Variants in CLNK observed in about 807,000 individuals in gnomAD.
CLNK encodes cytokine dependent hematopoietic cell linker, also known as cytokine-dependent hematopoietic cell linker.
A neutral mutation model predicts 68.6 loss-of-function variants in CLNK; 74 were observed. The ratio of observed to expected loss-of-function variants is 1.08; its 90% CI spans 0.89 to 1.31. The LOEUF (loss-of-function observed/expected upper bound fraction) is 1.31. Among genes scored for constraint, CLNK ranks in the 50% most tolerant of loss-of-function variants. The pLI is 0.00. For missense variants in CLNK, 553 were observed against 515.3 expected, an observed-to-expected ratio of 1.07 and a Z score of -0.71; for synonymous variants, 198 against 172.2, an observed-to-expected ratio of 1.15 and a Z score of -1.17.
intron 2 of CLNK, among the ~76,000 whole-genome samples, chr4:10,660,310 G>T (rs1724146595): frequency 1.3e-5 from 2 of 152,204 alleles, no homozygotes; most frequent in African/African-American, 2.4e-5. Flanking sequence ...GGGATTGAAA[G>T]ATTGCATAGC....
At chr4:10,594,280 C>G (rs1353778569) in intron 3 of CLNK, among the ~76,000 whole-genome samples, 1 of 152,222 alleles carries the variant, frequency 6.6e-6, no homozygotes, top group East Asian at 1.9e-4. Flanking sequence ...CAATCTCCCC[C>G]CATCCTCTGC....
At chr4:10,550,756 C>A (rs576090145) in intron 8 of CLNK, among the ~76,000 whole-genome samples, 1 of 152,148 alleles carries the variant, frequency 6.6e-6, no homozygotes, top group African/African-American at 2.4e-5. Context: ...ATCCCAGTAA[C>A]CTCAGCATAC....
intron 14 of CLNK, among the ~76,000 whole-genome samples, chr4:10,525,205 C>T (rs969496597): frequency 1.3e-5 from 2 of 152,178 alleles, no homozygotes; most frequent in African/African-American, 4.8e-5. Flanking sequence ...GCTGGGACTA[C>T]AGGCACCCGC....
intron 3 of CLNK, among the ~76,000 whole-genome samples, chr4:10,592,379 C>G (rs1394947806): frequency 6.6e-6 from 1 of 152,150 alleles, no homozygotes; most frequent in Non-Finnish European, 1.5e-5. Flanking sequence ...ATTTGCCAGA[C>G]ATGTTTTAGC....
rs1716354641 is a variant in CLNK, at chr4:10,486,408, CA to C, written c.*4058del. 1 of 152,132 alleles carries C rather than the reference CA, an allele frequency of 6.6e-6. No individual in the cohort carries two copies. Among genetic ancestry groups the C allele is most frequent in the Non-Finnish European group, 1.5e-5 (1 of 68,036 alleles). 9.4% of individuals were successfully genotyped at this position (152,132 alleles called of 1,614,324 possible). A position where few individuals can be genotyped will look rare whatever the true frequency, so the allele number is the denominator to read the frequency against. ...CAGAGAAAATTATAACATTCAATTA[CA>C]TATTTACTTTTATTTACATTAGTAA... On this transcript the variant is annotated 3_prime_UTR_variant, in exon 19 of 19. Coordinates refer to ENST00000226951, the MANE Select transcript of CLNK (RefSeq NM_052964.4).
At chr4:10,728,583 T>G in the CLNK span, among the ~76,000 whole-genome samples, 1 of 13,362 alleles carries the variant, frequency 7.5e-5, no homozygotes, top group African/African-American at 1.6e-4. Flanking sequence ...ATGTATCCTT[T>G]CTTTCTTTCT....
chr4:10,693,219 T>C, the CLNK span, among the ~76,000 whole-genome samples: 1 of 152,220 alleles, frequency 6.6e-6, no homozygotes, highest in African/African-American at 2.4e-5. Context: ...CTGATGTTGC[T>C]GATGGGAGAA....
intron 2 of CLNK, among the ~76,000 whole-genome samples, chr4:10,615,615 G>C (rs902865158): frequency 6.6e-6 from 1 of 152,306 alleles, no homozygotes; most frequent in South Asian, 2.1e-4. Context: ...CCTGCTCCAG[G>C]TATAGACCCC....
intron 2 of CLNK, among the ~76,000 whole-genome samples, chr4:10,610,118 GCGAT>G (rs1721953957): frequency 8.3e-6 from 1 of 120,688 alleles, no homozygotes; most frequent in Non-Finnish European, 1.6e-5. Flanking sequence ...GTGCTGTGGC[GCGAT>G]CTCCGCTCAC....
At chr4:10,723,352 G>C in the CLNK span, among the ~76,000 whole-genome samples, 2 of 152,158 alleles carry the variant, frequency 1.3e-5, no homozygotes, top group African/African-American at 4.8e-5. Context: ...TGCTAGTGGA[G>C]TATATTAAGA....
chr4:10,643,793 G>A (rs1003819292), intron 2 of CLNK, among the ~76,000 whole-genome samples: 7 of 152,190 alleles, frequency 4.6e-5, no homozygotes, highest in Non-Finnish European at 5.9e-5. Flanking sequence ...ATTCCACCAT[G>A]ACATCTTTGG....
At chr4:10,587,779 G>A (rs529345013) in intron 3 of CLNK, among the ~76,000 whole-genome samples, 3 of 152,218 alleles carry the variant, frequency 2.0e-5, no homozygotes, top group South Asian at 2.1e-4. Context: ...CTAAGAGTGA[G>A]GGATTTGACA....
At chr4:10,643,939 T>G (rs1460286259) in intron 2 of CLNK, among the ~76,000 whole-genome samples, 3 of 152,234 alleles carry the variant, frequency 2.0e-5, no homozygotes, top group Non-Finnish European at 4.4e-5. Flanking sequence ...TGCCTATGCA[T>G]GCAGGCCTGA....
chr4:10,664,044 C>T (rs559484250), intron 2 of CLNK, among the ~76,000 whole-genome samples: 1 of 151,986 alleles, frequency 6.6e-6, no homozygotes, highest in South Asian at 2.1e-4. Flanking sequence ...CCTGAGTTAC[C>T]CAGTCTGAGC....
At chr4:10,504,116 CTTTTTTTTTTTTT>C (rs10660433) in intron 17 of CLNK, among the ~76,000 whole-genome samples, 1,029 of 67,352 alleles carry the variant, frequency 0.015, 23 homozygotes, top group African/African-American at 0.052. Context: ...TCTTTGGGTT[CTTTTTTTTTTTTT>C]TTTTTTTTTG....
chr4:10,560,372 C>T (rs958871632), intron 7 of CLNK, among the ~76,000 whole-genome samples: 3 of 152,206 alleles, frequency 2.0e-5, no homozygotes, highest in African/African-American at 7.2e-5. Context: ...GGGGTCTAGA[C>T]AAGAACTGGC....
intron 5 of CLNK, among the ~76,000 whole-genome samples, chr4:10,569,732 T>C (rs933924792): frequency 1.3e-5 from 2 of 152,226 alleles, no homozygotes; most frequent in African/African-American, 4.8e-5. Context: ...CATCATGTTA[T>C]GTGTAAGCAC....
chr4:10,643,724 A>G (rs1431599519), intron 2 of CLNK, among the ~76,000 whole-genome samples: 1 of 152,220 alleles, frequency 6.6e-6, no homozygotes, highest in Non-Finnish European at 1.5e-5. Flanking sequence ...ATGCCAAAAT[A>G]CCAATTCAGT....
At chr4:10,673,101 A>G (rs1396778422) in intron 1 of CLNK, among the ~76,000 whole-genome samples, 1 of 152,208 alleles carries the variant, frequency 6.6e-6, no homozygotes, top group African/African-American at 2.4e-5. Context: ...TTTCTCTCTC[A>G]GGTCTTATTT....
Sources: gnomAD v4.1 joint callset for allele counts (sites outside exome capture counted in the v4.1 genomes callset) on GRCh38, gnomAD v4.1.1 for gene constraint, MANE v1.5 for transcripts, NCBI Gene and HGNC (gene_info 2026-07-23, HGNC 2026-07-21) for gene names.